The following GALNT18 variants were observed in gnomAD, a reference collection of about 807,000 sequenced individuals.
The protein encoded by GALNT18 is GalNAc-transferase 18.
In GALNT18, 44 loss-of-function variants were observed where a neutral mutation model predicts 69.5. The ratio of observed to expected loss-of-function variants is 0.63; its 90% CI spans 0.50 to 0.81. The LOEUF (loss-of-function observed/expected upper bound fraction) is 0.81, where lower values mean the gene tolerates loss of function less well. GALNT18 is among the 40% of genes least tolerant of loss of function. The probability of loss-of-function intolerance (pLI) is 0.00; values close to 1 mark genes in which losing one functional copy is unlikely to be tolerated. For synonymous variants in GALNT18, 364 were observed against 318.2 expected (o/e 1.14, Z -1.53); for missense variants, 715 against 810.0 (o/e 0.88, Z 1.42).
chr11:11,566,660 G>T (rs141722746), intron 1 of GALNT18, among the ~76,000 whole-genome samples: 11 of 152,328 alleles, frequency 7.2e-5, no homozygotes, highest in Non-Finnish European at 4.4e-5. Flanking sequence ...GTTAACAATG[G>T]TGAGTCTAGG....
chr11:11,469,691 G>A lies in GALNT18; in HGVS notation c.236-20755C>T, dbSNP rs1361249744. Among the ~76,000 whole-genome samples the A allele has an allele frequency of 6.6e-6, 1 of 152,196 alleles. No homozygotes were observed. The highest frequency in any genetic ancestry group is 1.5e-5 in the Non-Finnish European group (1 of 68,028). On this transcript the variant is annotated intron_variant, in intron 1 of 10. Transcript: ENST00000227756. This position sits in a 1 kb window ranked among gnomAD's most constrained non-coding sequence, Gnocchi z 4.2. ...GGGCTGGCTACATGGACGGTGTTAA[G>A]CAGATTTGCTAAAAGGTGGACTGTG...
intron 2 of GALNT18, among the ~76,000 whole-genome samples, chr11:11,442,899 G>C (rs995505999): frequency 2.0e-5 from 3 of 152,194 alleles, no homozygotes; most frequent in Non-Finnish European, 4.4e-5. Flanking sequence ...TACTGATAAG[G>C]CTCAGGAGCC....
At chr11:11,460,182 TC>T (rs1379369852) in intron 1 of GALNT18, among the ~76,000 whole-genome samples, 1 of 152,220 alleles carries the variant, frequency 6.6e-6, no homozygotes, top group Admixed American at 6.5e-5. Flanking sequence ...CAACCTTAGT[TC>T]CCTTTTGCCA....
At chr11:11,335,867 G>C (rs4564329) in intron 7 of GALNT18, among the ~76,000 whole-genome samples, 2 of 151,970 alleles carry the variant, frequency 1.3e-5, no homozygotes, top group South Asian at 4.1e-4. Flanking sequence ...CTCTCCCCTC[G>C]AGATGCTGGA....
intron 1 of GALNT18, among the ~76,000 whole-genome samples, chr11:11,533,104 C>G (rs904712326): frequency 3.3e-5 from 5 of 152,168 alleles, no homozygotes; most frequent in African/African-American, 1.2e-4. Flanking sequence ...TACTCCCCAG[C>G]CCTTAGGTAA....
chr11:11,352,193 G>A (rs1261128551), intron 6 of GALNT18: 19 of 1,613,698 alleles, frequency 1.2e-5, no homozygotes, highest in South Asian at 1.1e-5. Context: ...GCCGTGACTG[G>A]TGGTCATATC....
chr11:11,348,869 T>C (rs570527982), intron 6 of GALNT18, among the ~76,000 whole-genome samples: 1 of 152,320 alleles, frequency 6.6e-6, no homozygotes, highest in African/African-American at 2.4e-5. Flanking sequence ...TTGCACAGTA[T>C]GTGTGATAAC....
intron 1 of GALNT18, among the ~76,000 whole-genome samples, chr11:11,516,374 G>C (rs898308874): frequency 6.6e-6 from 1 of 152,222 alleles, no homozygotes; most frequent in African/African-American, 2.4e-5. Flanking sequence ...GCTCACACCT[G>C]TAATCCCAGC....
Position 11,321,663 on chromosome 11 carries a change from C to T in GALNT18, c.1512+5423G>A, listed in dbSNP as rs574657460. On this transcript the variant is annotated intron_variant, in intron 9 of 10. Coordinates refer to ENST00000227756, the MANE Select transcript of GALNT18 (RefSeq NM_198516.3). ...TGTCGCTCAGGCTGGAGGGCAGTGG[C>T]GCAGTCTCAGCTCACTGCAACCTCT... 5.8e-4 allele frequency among the ~76,000 whole-genome samples: 88 copies of T among 152,276 alleles called. 2 individuals are homozygous for T. Among genetic ancestry groups the T allele is most frequent in the Middle Eastern group, 6.8e-3 (2 of 294 alleles).
chr11:11,308,419 C>T (rs919767492), intron 9 of GALNT18, among the ~76,000 whole-genome samples: 8 of 152,100 alleles, frequency 5.3e-5, no homozygotes, highest in Middle Eastern at 3.2e-3. Context: ...CTCTGTGCTT[C>T]GTCCCCAGTT....
chr11:11,444,518 A>C lies in GALNT18; in HGVS notation c.428+4226T>G, dbSNP rs146889312. Among the ~76,000 whole-genome samples, 1 of 152,268 alleles carries C rather than the reference A, an allele frequency of 6.6e-6. No individual in the cohort carries two copies. The highest frequency in any genetic ancestry group is 1.9e-4 in the East Asian group (1 of 5,172). ...TAAATGTTGGCTGGATAAAAAAATA[A>C]ACGAGGCCTAGCAACTGGCTGGACC... On this transcript the variant is annotated intron_variant, in intron 2 of 10. Coordinates refer to ENST00000227756, the MANE Select transcript of GALNT18 (RefSeq NM_198516.3). This position sits in a 1 kb window ranked among gnomAD's most constrained non-coding sequence, Gnocchi z 4.4.
At chr11:11,578,966 T>A (rs941097650) in intron 1 of GALNT18, among the ~76,000 whole-genome samples, 1 of 151,958 alleles carries the variant, frequency 6.6e-6, no homozygotes, top group Non-Finnish European at 1.5e-5. Flanking sequence ...TGGGGTGGCC[T>A]CTCTTGCCCC....
At chr11:11,362,532 C>T (rs955086868) in intron 6 of GALNT18, among the ~76,000 whole-genome samples, 14 of 152,028 alleles carry the variant, frequency 9.2e-5, no homozygotes, top group African/African-American at 1.9e-4. Flanking sequence ...GCCAAAGATA[C>T]GAACAGCTTA....
intron 3 of GALNT18, among the ~76,000 whole-genome samples, chr11:11,422,532 T>G (rs555530214): frequency 6.6e-6 from 1 of 152,216 alleles, no homozygotes; most frequent in African/African-American, 2.4e-5. Context: ...GCCTGAGTCT[T>G]GGTTGTAATT....
intron 6 of GALNT18, among the ~76,000 whole-genome samples, chr11:11,348,659 T>G (rs971413): frequency 1.7e-3 from 252 of 152,262 alleles, no homozygotes; most frequent in Non-Finnish European, 2.9e-3. Flanking sequence ...CATCTAGTTA[T>G]GTCCAGTTAT....
At chr11:11,274,363 G>A (rs545087815) in intron 10 of GALNT18, among the ~76,000 whole-genome samples, 247 of 152,320 alleles carry the variant, frequency 1.6e-3, no homozygotes, top group African/African-American at 5.1e-3. Flanking sequence ...CTCCTGGAAA[G>A]GGGGCTGAAG....
In GALNT18 at chr11:11,432,886, C is replaced by A. The variant is rs879397029; in HGVS notation, c.429-99G>T. The A allele has an allele frequency of 5.8e-6, 7 of 1,212,438 alleles. No homozygotes were observed. The Admixed American group carries it at 1.4e-4, about 25-fold the overall frequency. 75.1% of individuals were successfully genotyped at this position (1,212,438 alleles called of 1,614,324 possible). A position where few individuals can be genotyped will look rare whatever the true frequency, so the allele number is the denominator to read the frequency against. On this transcript the variant is annotated intron_variant, in intron 2 of 10. Transcript: ENST00000227756. This position sits in a 1 kb window ranked among gnomAD's most constrained non-coding sequence, Gnocchi z 5.8. ...CTGGCTCCAGCTTTGCTGGAGGGCT[C>A]GGGAGTCCAGATTCTTCCAAGGGCC...
intron 1 of GALNT18, among the ~76,000 whole-genome samples, chr11:11,501,500 T>G (rs1202780836): frequency 6.6e-6 from 1 of 152,206 alleles, no homozygotes; most frequent in Non-Finnish European, 1.5e-5. Context: ...AGCACAGTAT[T>G]TTTAAAATCC....
At chr11:11,368,493 C>G (rs1850822788) in intron 6 of GALNT18, among the ~76,000 whole-genome samples, 1 of 152,196 alleles carries the variant, frequency 6.6e-6, no homozygotes. Flanking sequence ...ACTAAATCCA[C>G]AATCTCAATT....
Sources: gnomAD v4.1 joint callset for allele counts (sites outside exome capture counted in the v4.1 genomes callset) on GRCh38, gnomAD v4.1.1 for gene constraint, Gnocchi (gnomAD v3.1) non-coding constraint, MANE v1.5 for transcripts, NCBI Gene and HGNC (gene_info 2026-07-23, HGNC 2026-07-21) for gene names.